The following WWP2 variants were observed in gnomAD, a reference collection of about 807,000 sequenced individuals.
WWP2 encodes the protein NEDD4-like E3 ubiquitin-protein ligase WWP2.
A neutral mutation model predicts 121.0 loss-of-function variants in WWP2; 57 were observed. That is an observed-to-expected ratio of 0.47 (90% CI 0.38 to 0.59). The LOEUF is 0.59. Among genes scored for constraint, WWP2 ranks in the 20% least tolerant of loss-of-function variants. WWP2 has a pLI of 0.00. For missense variants in WWP2, 962 were observed against 1,158.9 expected (o/e 0.83, Z 2.47); for synonymous variants, 449 against 441.3 (o/e 1.02, Z -0.22).
rs114611281 is a variant in WWP2 at position 69,799,617 on chromosome 16, C to A, written c.340+322C>A. Reference sequence around the variant, plus strand: ...TGTGTGATATGTTGAATGAAACTGTCAAATACCTCTAGCCTAAATCATTGC... The same window carrying A: ...TGTGTGATATGTTGAATGAAACTGTAAAATACCTCTAGCCTAAATCATTGC... On this transcript the variant is annotated intron_variant, in intron 4 of 23. Transcript: ENST00000359154. The surrounding 1 kb of genome is among the most constrained non-coding windows in gnomAD (Gnocchi z 4.5). 938 of 271,702 alleles carry A rather than the reference C, an allele frequency of 3.5e-3. 8 individuals are homozygous for A. Among genetic ancestry groups the A allele is most frequent in the African/African-American group, 0.019 (860 of 45,928 alleles). 16.8% of individuals were successfully genotyped at this position (271,702 alleles called of 1,614,324 possible).
intron 6 of WWP2, among the ~76,000 whole-genome samples, chr16:69,871,479 T>A (rs1270423245): frequency 6.6e-6 from 1 of 152,232 alleles, no homozygotes; most frequent in Non-Finnish European, 1.5e-5. Flanking sequence ...TGTTTATTTG[T>A]AACATTTGAG....
At position 69,840,146 on chromosome 16, in the gene WWP2, C is replaced by G. The variant is rs2056949856; in HGVS notation, c.361C>G (p.Leu121Val). The G allele has an allele frequency of 6.2e-7, 1 of 1,614,118 alleles. No individual in the cohort carries two copies. The highest frequency in any genetic ancestry group is 1.3e-5 in the African/African-American group (1 of 74,948). ...GGKMENMQLT[L>V]NLQTENKGSV... ...CACAGTGGAGAACATGCAGCTGACCCTGAACCTGCAGACGGAGAACAAAGG... is the reference window on the plus strand; with the variant it reads ...CACAGTGGAGAACATGCAGCTGACCGTGAACCTGCAGACGGAGAACAAAGG... The change falls in exon 5 of 24, where the codon CTG becomes GTG. Residue 121 changes from leucine (L) to valine (V), a missense_variant. Coordinates refer to ENST00000359154, the MANE Select transcript of WWP2 (RefSeq NM_001270454.2).
At chr16:69,844,743 C>A (rs1295860006) in intron 6 of WWP2, among the ~76,000 whole-genome samples, 1 of 152,194 alleles carries the variant, frequency 6.6e-6, no homozygotes, top group African/African-American at 2.4e-5. Context: ...AAGGTACCTT[C>A]CGATAGTGTA....
At position 69,865,991 on chromosome 16, in the gene WWP2, A is replaced by T. The variant is rs12931741; in HGVS notation, c.576-5813A>T. Among the ~76,000 whole-genome samples the T allele has an allele frequency of 3.9e-3, 598 of 152,314 alleles. 2 individuals carry two copies. Among genetic ancestry groups the T allele is most frequent in the Non-Finnish European group, 6.3e-3 (427 of 68,024 alleles). On this transcript the variant is annotated intron_variant, in intron 6 of 23. Transcript: ENST00000359154. ...GAGGGTTGATTTTTGTTCGACACTG[A>T]GGAAAGAAAGACTTATGGTGGCTAG... is the stretch of plus-strand genomic sequence containing the variant.
intron 2 of WWP2, among the ~76,000 whole-genome samples, chr16:69,791,134 G>A (rs2055900562): frequency 6.6e-6 from 1 of 152,148 alleles, no homozygotes; most frequent in Non-Finnish European, 1.5e-5. Flanking sequence ...CTAGGTCAAA[G>A]CAGAAGTTGG....
chr16:69,862,708 CTTTTTTT>C (rs546868069), intron 6 of WWP2, among the ~76,000 whole-genome samples: 130 of 76,528 alleles, frequency 1.7e-3, no homozygotes, highest in Non-Finnish European at 2.3e-3. Context: ...GCCATGAATT[CTTTTTTT>C]TTTTTTTTTT....
At chr16:69,776,952 G>C (rs2055543058) in intron 1 of WWP2, among the ~76,000 whole-genome samples, 1 of 152,050 alleles carries the variant, frequency 6.6e-6, no homozygotes, top group Admixed American at 6.6e-5. Context: ...CCCTACCTTA[G>C]ATGGGATTGT....
rs907859267 is a variant in WWP2 at position 69,786,873 on chromosome 16, G to T, written c.-15-123G>T. On this transcript the variant is annotated intron_variant, in intron 1 of 23. Transcript: ENST00000359154. ...TTATAAGACAAACTATACCCTGGTT[G>T]CAGTTGCTTGGACGTTTCTATTTTC... 268 of 727,624 alleles carry T rather than the reference G, an allele frequency of 3.7e-4. 1 individual carries two copies. Among genetic ancestry groups the T allele is most frequent in the Non-Finnish European group, 8.5e-5 (38 of 447,140 alleles). 45.1% of individuals were successfully genotyped at this position (727,624 alleles called of 1,614,324 possible). A position where few individuals can be genotyped will look rare whatever the true frequency, so the allele number is the denominator to read the frequency against.
chr16:69,916,169 A>G (rs1340163181), intron 9 of WWP2, among the ~76,000 whole-genome samples: 1 of 152,134 alleles, frequency 6.6e-6, no homozygotes, highest in Non-Finnish European at 1.5e-5. Context: ...CTCAAGGGCA[A>G]TGGGGAGTCA....
At chr16:69,866,514 C>T (rs911224558) in intron 6 of WWP2, among the ~76,000 whole-genome samples, 1 of 152,030 alleles carries the variant, frequency 6.6e-6, no homozygotes, top group Non-Finnish European at 1.5e-5. Flanking sequence ...CTTTCTCACT[C>T]AATTAGTTTG....
chr16:69,870,047 T>C (rs1234062305), intron 6 of WWP2, among the ~76,000 whole-genome samples: 1 of 152,238 alleles, frequency 6.6e-6, no homozygotes, highest in African/African-American at 2.4e-5. Context: ...CCTAAGAGCC[T>C]AGGCTCTTGA....
chr16:69,807,658 A>C (rs950994721), intron 4 of WWP2, among the ~76,000 whole-genome samples: 3 of 150,488 alleles, frequency 2.0e-5, no homozygotes, highest in Non-Finnish European at 4.4e-5. Flanking sequence ...AAGAAAAAGG[A>C]AAATGAAAGG....
At chr16:69,822,639 C>A (rs1030971376) in intron 4 of WWP2, among the ~76,000 whole-genome samples, 1 of 151,846 alleles carries the variant, frequency 6.6e-6, no homozygotes, top group South Asian at 2.1e-4. Context: ...AAAAAGGAAT[C>A]GTCTAGAGGA....
At chr16:69,893,725 G>A (rs573501599) in intron 8 of WWP2, among the ~76,000 whole-genome samples, 5 of 152,210 alleles carry the variant, frequency 3.3e-5, no homozygotes, top group African/African-American at 9.6e-5. Context: ...GTATTTTTTA[G>A]TAGAGCCAGG....
At chr16:69,843,116 G>A (rs2057009704) in intron 6 of WWP2, among the ~76,000 whole-genome samples, 3 of 152,020 alleles carry the variant, frequency 2.0e-5, no homozygotes, top group Admixed American at 6.6e-5. Context: ...TTGTATGTCC[G>A]GGGCTGCAGC....
At chr16:69,899,058 T>A (rs1286753779) in intron 8 of WWP2, among the ~76,000 whole-genome samples, 2 of 152,250 alleles carry the variant, frequency 1.3e-5, no homozygotes, top group Non-Finnish European at 2.9e-5. Context: ...ATTATACGCA[T>A]TGCAAATATT....
chr16:69,891,998 C>G (rs1005888614), intron 8 of WWP2, among the ~76,000 whole-genome samples: 3 of 152,096 alleles, frequency 2.0e-5, no homozygotes, highest in African/African-American at 7.2e-5. Context: ...AATTTGCATA[C>G]GATTTATTAA....
chr16:69,816,787 A>G (rs1253629385), intron 4 of WWP2, among the ~76,000 whole-genome samples: 2 of 151,982 alleles, frequency 1.3e-5, no homozygotes, highest in Admixed American at 6.6e-5. Flanking sequence ...ACACATATAC[A>G]CACACACATA....
intron 4 of WWP2, among the ~76,000 whole-genome samples, chr16:69,805,358 G>T (rs1273324572): frequency 6.6e-6 from 1 of 151,944 alleles, no homozygotes; most frequent in African/African-American, 2.4e-5. Flanking sequence ...TTTTATGTGG[G>T]TTGTGACACT....
Sources: allele counts gnomAD v4.1 joint callset (sites outside exome capture counted in the v4.1 genomes callset), GRCh38; gene constraint gnomAD v4.1.1; non-coding constraint Gnocchi (gnomAD v3.1); transcripts MANE v1.5; gene names NCBI Gene and HGNC (gene_info 2026-07-23, HGNC 2026-07-21).